Variants in FAM151A observed in about 807,000 individuals in gnomAD.
FAM151A encodes the protein protein FAM151A.
FAM151A carries 41 observed loss-of-function variants against 40.4 expected under a neutral mutation model. The observed-to-expected ratio is 1.01, with a 90% CI of 0.79 to 1.32. The LOEUF is 1.32. FAM151A is among the 40% of genes most tolerant of loss of function. The pLI, the probability that FAM151A is intolerant of heterozygous loss-of-function variation, is 0.00. For synonymous variants in FAM151A, 337 were observed against 312.5 expected, an observed-to-expected ratio of 1.08 and a Z score of -0.83; for missense variants, 740 against 740.4, an observed-to-expected ratio of 1.00 and a Z score of 0.01.
In FAM151A at chr1:54,612,669, A is replaced by G. The variant is rs528452056; in HGVS notation, c.617T>C (p.Leu206Pro). The part of the protein sequence containing the change: ...LVQEKYPKAT[L>P]SPGWTTFYMS... ...GTAGAAGGTGGTCCAGCCTGGAGAT[A>G]GGGTAGCCTTGGGATACTTCTCCTG... is the stretch of plus-strand genomic sequence containing the variant. Residue 206 changes from leucine to proline, a missense_variant, in exon 5 of 8, where the codon CTA becomes CCA. Transcript: ENST00000302250. The G allele has an allele frequency of 1.2e-6, 2 of 1,614,050 alleles. No homozygotes were observed. The highest frequency in any genetic ancestry group is 1.3e-5 in the African/African-American group (1 of 75,014).
intron 2 of FAM151A, among the ~76,000 whole-genome samples, chr1:54,617,709 A>ATTGTTT (rs1644187560): frequency 1.8e-5 from 1 of 55,740 alleles, no homozygotes; most frequent in Non-Finnish European, 3.0e-5. Flanking sequence ...AGGGCCTGAG[A>ATTGTTT]TTTTTTTTTT....
In FAM151A at chr1:54,612,564, C is replaced by G. The variant is rs780940355; in HGVS notation, c.722G>C (p.Arg241Thr). 2 of 1,614,086 alleles carry G rather than the reference C, an allele frequency of 1.2e-6. No homozygotes were observed. Among genetic ancestry groups the G allele is most frequent in the Non-Finnish European group, 1.7e-6 (2 of 1,180,008 alleles). Residue 241 changes from arginine to threonine, a missense_variant, in exon 5 of 8, where the codon AGG becomes ACG. By Grantham distance (71) the Arg-to-Thr change is moderately conservative (BLOSUM62 -1). Coordinates refer to ENST00000302250, the MANE Select transcript of FAM151A (RefSeq NM_176782.3). ...MHELVGGVPQ[R>T]VTFPVRSSMV... Reference sequence around the variant, plus strand: ...GGAAGACCGTACAGGGAAGGTGACCCTCTGGGGCACTCCTCCCACCAGCTC... The same window carrying G: ...GGAAGACCGTACAGGGAAGGTGACCGTCTGGGGCACTCCTCCCACCAGCTC...
intron 3 of FAM151A, among the ~76,000 whole-genome samples, chr1:54,615,380 G>T (rs1644161802): frequency 6.6e-6 from 1 of 152,172 alleles, no homozygotes; most frequent in Admixed American, 6.5e-5. Flanking sequence ...TTTTCCTGAG[G>T]ACAATGGGGA....
chr1:54,618,276 G>A (rs1247558697), intron 2 of FAM151A, among the ~76,000 whole-genome samples: 1 of 152,160 alleles, frequency 6.6e-6, no homozygotes, highest in Non-Finnish European at 1.5e-5. Flanking sequence ...GCCCGAGAAG[G>A]GCGGATCACT....
chr1:54,612,698 C>G lies in FAM151A; in HGVS notation c.588G>C (p.Leu196=). ...TAGCCTTGGGATACTTCTCCTGGACCAGGGCCAGGAACCTGCAAAAAAATC... is the reference window on the plus strand; with the variant it reads ...TAGCCTTGGGATACTTCTCCTGGACGAGGGCCAGGAACCTGCAAAAAAATC... ...TEVNATQFLA[L]VQEKYPKATL... The change falls in exon 5 of 8, where the codon CTG becomes CTC. Residue 196 remains leucine (L), a synonymous_variant. Transcript: ENST00000302250. The G allele has an allele frequency of 6.2e-7, 1 of 1,613,570 alleles. No individual in the cohort carries two copies. Among genetic ancestry groups the G allele is most frequent in the Non-Finnish European group, 8.5e-7 (1 of 1,179,886 alleles).
rs753119849 is a variant in FAM151A, at chr1:54,612,558, G to T, written c.728C>A (p.Thr243Asn). 6.2e-7 allele frequency: 1 copy of T among 1,614,094 alleles called. No individual in the cohort carries two copies. The highest frequency in any genetic ancestry group is 8.5e-7 in the Non-Finnish European group (1 of 1,180,022). The change falls in exon 5 of 8, where the codon ACC becomes AAC. Residue 243 changes from threonine to asparagine, a missense_variant. Physicochemically the swap from Thr to Asn is moderately conservative, Grantham distance 65. Transcript: ENST00000302250. ...ELVGGVPQRV[T>N]FPVRSSMVRA... is the part of the protein sequence containing the mutation. ...CACCATGGAAGACCGTACAGGGAAGGTGACCCTCTGGGGCACTCCTCCCAC... is the reference window on the plus strand; with the variant it reads ...CACCATGGAAGACCGTACAGGGAAGTTGACCCTCTGGGGCACTCCTCCCAC...
chr1:54,619,590 T>A (rs1289103486), intron 2 of FAM151A, among the ~76,000 whole-genome samples: 1 of 152,126 alleles, frequency 6.6e-6, no homozygotes, highest in Non-Finnish European at 1.5e-5. Context: ...TACAGTTTGG[T>A]CCCTGACAGG....
rs762018572 is a variant in FAM151A, at chr1:54,609,713, TGCAAGAGGCCAAG to T, written c.1300_1312del (p.Leu434IlefsTer37). The T allele has an allele frequency of 1.2e-6, 2 of 1,614,060 alleles. No homozygotes were observed. The highest frequency in any genetic ancestry group is 8.5e-7 in the Non-Finnish European group (1 of 1,179,992). ...TTTGGCCCCAACCCACACAGGCCAATGCAAGAGGCCAAGGCTGGAGAGGCGTGCCAGCAAGGCC... is the reference window on the plus strand; with the variant it reads ...TTTGGCCCCAACCCACACAGGCCAATGCTGGAGAGGCGTGCCAGCAAGGCC... On this transcript the variant is annotated frameshift_variant, in exon 8 of 8. Transcript: ENST00000302250. LOFTEE classifies it low-confidence loss of function (END_TRUNC).
chr1:54,623,014 A>G (rs1424570682), intron 1 of FAM151A, among the ~76,000 whole-genome samples: 1 of 151,834 alleles, frequency 6.6e-6, no homozygotes. Context: ...ATCTCTACTA[A>G]AATTACAAAA....
intron 4 of FAM151A, 137 bp from the exon 5 acceptor site, chr1:54,612,847 A>G (rs1169224624): frequency 4.3e-5 from 28 of 657,224 alleles, no homozygotes; most frequent in Admixed American, 1.4e-4. Flanking sequence ...CCCAAAGGAC[A>G]GAATGGCTTG....
intron 2 of FAM151A, among the ~76,000 whole-genome samples, chr1:54,616,633 A>G (rs577547656): frequency 6.6e-6 from 1 of 152,292 alleles, no homozygotes; most frequent in East Asian, 1.9e-4. Flanking sequence ...TCAGCCTCCC[A>G]AAGTGCTGGG....
intron 6 of FAM151A, 90 bp downstream of exon 6, chr1:54,611,516 T>C: frequency 2.2e-6 from 3 of 1,363,820 alleles, no homozygotes; most frequent in Non-Finnish European, 3.1e-6. Flanking sequence ...CCTTCTGATA[T>C]CCCTTCCACC....
Position 54,609,261 on chromosome 1 carries a change from T to A in FAM151A, c.*7A>T, listed in dbSNP as rs1644080075. 1 of 1,600,432 alleles carries A rather than the reference T, an allele frequency of 6.2e-7. No homozygotes were observed. Among genetic ancestry groups the A allele is most frequent in the African/African-American group, 1.3e-5 (1 of 74,656 alleles). On this transcript the variant is annotated 3_prime_UTR_variant, in exon 8 of 8. Transcript: ENST00000302250. ...CTGAGGTCCGCTGGCCCACCACCCC[T>A]GGGTGCTCAGTTTCTACCAACATGA... is the stretch of plus-strand genomic sequence containing the variant.
intron 6 of FAM151A, chr1:54,611,031 G>C: frequency 1.0e-6 from 1 of 985,062 alleles, no homozygotes; most frequent in Non-Finnish European, 1.2e-6. Flanking sequence ...TTTGGAATTT[G>C]CTGGTTTCCT....
In FAM151A at chr1:54,619,915, T is replaced by C. The variant is rs761940643; in HGVS notation, c.211A>G (p.Thr71Ala). 4.3e-6 allele frequency: 7 copies of C among 1,614,000 alleles called. No individual in the cohort carries two copies. Among genetic ancestry groups the C allele is most frequent in the Non-Finnish European group, 5.9e-6 (7 of 1,180,024 alleles). Residue 71 changes from threonine to alanine, a missense_variant, in exon 2 of 8, where the codon ACC becomes GCC. Transcript: ENST00000302250. Reference protein sequence around the residue: ...QISRRDALEVTWYHAANSKKA... With the variant: ...QISRRDALEVAWYHAANSKKA... ...TTGCTGTTGGCTGCGTGGTACCAGG[T>C]GACCTCCAAGGCATCTCGCCGGCTG...
Position 54,609,600 on chromosome 1 carries a change from C to T in FAM151A, c.1426G>A (p.Val476Met), listed in dbSNP as rs1190451892. 3.7e-6 allele frequency: 6 copies of T among 1,613,290 alleles called. No homozygotes were observed. The highest frequency in any genetic ancestry group is 2.5e-6 in the Non-Finnish European group (3 of 1,180,044). Residue 476 changes from valine (V) to methionine (M), a missense_variant, in exon 8 of 8, where the codon GTG (valine) becomes ATG (methionine). Physicochemically the swap from Val to Met is conservative, Grantham distance 21 (BLOSUM62 1). Transcript: ENST00000302250. ...ACCTCCTCAGGCCAGCCTGGTGCCA[C>T]AGTCACGTGGGGGAAGACCTCAGCC... is the stretch of plus-strand genomic sequence containing the variant. ...AVAEVFPHVT[V>M]APGWPEEVLG...
intron 7 of FAM151A, 42 bp downstream of exon 7, chr1:54,610,370 G>T: frequency 1.9e-6 from 3 of 1,602,328 alleles, no homozygotes; most frequent in Non-Finnish European, 2.6e-6. Context: ...GGACACCCCT[G>T]CAGATGAGCT....
rs772159062 is a variant in FAM151A, at chr1:54,612,590, G to A, written c.696C>T (p.His232=). The change falls in exon 5 of 8, where the codon CAC becomes CAT. Residue 232 remains histidine, a synonymous_variant. Transcript: ENST00000302250. Reference sequence around the variant, plus strand: ...TCTGGGGCACTCCTCCCACCAGCTCGTGCATCTTCTCCACCATGGCTTGGG... The same window carrying A: ...TCTGGGGCACTCCTCCCACCAGCTCATGCATCTTCTCCACCATGGCTTGGG... The part of the protein sequence containing the change: ...TYTQAMVEKM[H]ELVGGVPQRV... 2.5e-6 allele frequency: 4 copies of A among 1,614,104 alleles called. No homozygotes were observed. The highest frequency in any genetic ancestry group is 2.2e-5 in the East Asian group (1 of 44,856).
Position 54,610,564 on chromosome 1 carries a change from C to T in FAM151A, c.941-9G>A. On this transcript the variant is annotated splice_polypyrimidine_tract_variant and intron_variant, in intron 6 of 7. Coordinates refer to ENST00000302250, the MANE Select transcript of FAM151A (RefSeq NM_176782.3). ...TTTCCGTGTGGCATTCACTGTGGGG[C>T]CCCAAATCGCCAAGGTGAAGTGGCT... 1.9e-6 allele frequency: 3 copies of T among 1,608,224 alleles called. No individual in the cohort carries two copies. The highest frequency in any genetic ancestry group is 2.6e-6 in the Non-Finnish European group (3 of 1,176,356).
Sources: gnomAD v4.1 joint callset for allele counts (sites outside exome capture counted in the v4.1 genomes callset) on GRCh38, gnomAD v4.1.1 for gene constraint, MANE v1.5 for transcripts, NCBI Gene and HGNC (gene_info 2026-07-23, HGNC 2026-07-21) for gene names.